The following FANCA variants were observed in gnomAD, a reference collection of about 807,000 sequenced individuals.
FANCA encodes Fanconi anemia group A protein.
Under a neutral mutation model 194.3 loss-of-function variants are expected in FANCA, and 236 were observed. The ratio of observed to expected loss-of-function variants is 1.21; its 90% CI spans 1.09 to 1.35. The LOEUF (loss-of-function observed/expected upper bound fraction) is 1.35. Among genes scored for constraint, FANCA ranks in the 40% most tolerant of loss-of-function variants. The pLI is 0.00. For missense variants in FANCA, 2,628 were observed against 1,813.9 expected (o/e 1.45, Z -8.15); for synonymous variants, 1,014 against 715.8 (o/e 1.42, Z -6.65).
At position 89,792,719 on chromosome 16, in the gene FANCA, G is replaced by C. The variant is rs148242615; in HGVS notation, c.1007-172C>G. On this transcript the variant is annotated intron_variant, in intron 11 of 42. Transcript: ENST00000389301. ...TAAAAGACAAGACAGCTGGGCCCGG[G>C]GGACCACTACCATCAATGCGCGGAG... 5.7e-4 allele frequency: 344 copies of C among 602,580 alleles called. 2 individuals are homozygous for C. The highest frequency in any genetic ancestry group is 5.1e-3 in the African/African-American group (276 of 54,538). 37.3% of individuals were successfully genotyped at this position (602,580 alleles called of 1,614,324 possible). A position where few individuals can be genotyped will look rare whatever the true frequency, so the allele number is the denominator to read the frequency against.
At chr16:89,800,009 A>G (rs2040390261) in intron 8 of FANCA, among the ~76,000 whole-genome samples, 1 of 152,208 alleles carries the variant, frequency 6.6e-6, no homozygotes, top group East Asian at 1.9e-4. Context: ...AAAGAAAAAG[A>G]AATGGACTTT....
In FANCA at chr16:89,791,506, A is replaced by G. The variant is rs2040075704; in HGVS notation, c.1256T>C (p.Phe419Ser). ...DWVARLMAQAFESCQLDSMVT... is the reference protein window; with the variant it reads ...DWVARLMAQASESCQLDSMVT... ...CATGCTGTCCAGCTGGCAGCTCTCG[A>G]ATGCCTGGGCCATCAAACGCGCCAC... Residue 419 changes from phenylalanine to serine, a missense_variant, in exon 14 of 43, where the codon TTC becomes TCC. Physicochemically the swap from Phe to Ser is radical, Grantham distance 155. Transcript: ENST00000389301. The G allele has an allele frequency of 1.9e-6, 3 of 1,614,152 alleles. No individual in the cohort carries two copies. Among genetic ancestry groups the G allele is most frequent in the Non-Finnish European group, 2.5e-6 (3 of 1,180,012 alleles).
intron 23 of FANCA, 127 bp downstream of exon 23, chr16:89,771,551 G>T: frequency 9.1e-7 from 1 of 1,098,916 alleles, no homozygotes; most frequent in Non-Finnish European, 1.4e-6. Context: ...CCTGGCCCTG[G>T]AACATCTGAT....
intron 33 of FANCA, among the ~76,000 whole-genome samples, 172 bp downstream of exon 33, chr16:89,748,487 G>A (rs1188503494): frequency 1.3e-5 from 2 of 152,208 alleles, no homozygotes; most frequent in Non-Finnish European, 2.9e-5. Context: ...CGCCGTCCTG[G>A]CTGTGGGTGG....
At chr16:89,805,445 G>A in intron 6 of FANCA, 53 bp from the exon 7 acceptor site, 1 of 1,456,160 alleles carries the variant, frequency 6.9e-7, no homozygotes, top group South Asian at 1.2e-5. Context: ...CCATCATCAG[G>A]GGATTGAGTT....
At chr16:89,742,625 C>A (rs1429755758) in intron 37 of FANCA, among the ~76,000 whole-genome samples, 175 bp downstream of exon 37, 1 of 122,202 alleles carries the variant, frequency 8.2e-6, no homozygotes, top group Non-Finnish European at 1.6e-5. Context: ...CTGGCTAACA[C>A]AGTGAAACCC....
At chr16:89,767,597 G>A (rs540816196) in intron 26 of FANCA, among the ~76,000 whole-genome samples, 53 of 152,094 alleles carry the variant, frequency 3.5e-4, no homozygotes, top group African/African-American at 1.0e-3. Context: ...TTGCCAAGCC[G>A]GAGTAGAGTG....
rs934300967 is a variant in FANCA at position 89,788,376 on chromosome 16, G to A, written c.1359+3027C>T. The stretch of plus-strand genomic sequence containing the variant: ...CTCAGGAGGCTGAAACAGGAGAATC[G>A]CTTGAACCCAGGAGGTGGGAGTTGC... On this transcript the variant is annotated intron_variant, in intron 14 of 42. Coordinates refer to ENST00000389301, the MANE Select transcript of FANCA (RefSeq NM_000135.4). 2.4e-4 allele frequency among the ~76,000 whole-genome samples: 37 copies of A among 152,100 alleles called. 1 individual carries two copies. Among genetic ancestry groups the A allele is most frequent in the Admixed American group, 2.3e-3 (35 of 15,252 alleles).
At chr16:89,758,846 T>A in intron 29 of FANCA, 141 bp from the exon 30 acceptor site, 1 of 1,255,120 alleles carries the variant, frequency 8.0e-7, no homozygotes, top group Non-Finnish European at 1.1e-6. Flanking sequence ...GACCTTGGAG[T>A]AGGGATGAGA....
In FANCA at chr16:89,799,336, C is replaced by G. The variant is rs1041285223; in HGVS notation, c.827-104G>C. On this transcript the variant is annotated intron_variant, in intron 9 of 42. Transcript: ENST00000389301. ...AGACAACAGATCCACTTCAACCCCC[C>G]AGAGGGCCCACATCCATCAAGACTT... 26 of 1,299,908 alleles carry G rather than the reference C, an allele frequency of 2.0e-5. No individual in the cohort carries two copies. The Middle Eastern group carries it at 1.5e-3, about 76-fold the overall frequency. The allele number at this position is 1,299,908 out of a possible 1,614,324, so 80.5% of individuals were successfully genotyped here.
At chr16:89,761,160 C>A (rs561421639) in intron 29 of FANCA, among the ~76,000 whole-genome samples, 1 of 152,328 alleles carries the variant, frequency 6.6e-6, no homozygotes, top group Admixed American at 6.5e-5. Context: ...TGGCTCACGC[C>A]TGTAATGCCA....
At chr16:89,784,695 A>G (rs920273880) in intron 15 of FANCA, among the ~76,000 whole-genome samples, 159 bp downstream of exon 15, 9 of 151,678 alleles carry the variant, frequency 5.9e-5, no homozygotes, top group Non-Finnish European at 1.2e-4. Context: ...GTGTTGTTTC[A>G]CCATAAACGG....
In FANCA at chr16:89,770,148, C is replaced by A. The variant is rs1476249498; in HGVS notation, c.2316+18G>T. 1.9e-6 allele frequency: 3 copies of A among 1,577,892 alleles called. No individual in the cohort carries two copies. Among genetic ancestry groups the A allele is most frequent in the Non-Finnish European group, 2.6e-6 (3 of 1,162,212 alleles). ...AGAGTGGGCCCCCAAGGGTGGCCCC[C>A]ATGAAGGAGAGCCTCACCTGGTGAC... On this transcript the variant is annotated intron_variant, in intron 25 of 42. Coordinates refer to ENST00000389301, the MANE Select transcript of FANCA (RefSeq NM_000135.4).
At position 89,738,348 on chromosome 16, in the gene FANCA, G is replaced by GCCCGC. The variant is rs1337067720; in HGVS notation, c.*248_*252dup. 22 of 1,479,750 alleles carry GCCCGC rather than the reference G, an allele frequency of 1.5e-5. No homozygotes were observed. Among genetic ancestry groups the GCCCGC allele is most frequent in the Non-Finnish European group, 1.7e-5 (19 of 1,111,608 alleles). The allele number at this position is 1,479,750 out of a possible 1,614,324, so 91.7% of individuals were successfully genotyped here. A position where few individuals can be genotyped will look rare whatever the true frequency, so the allele number is the denominator to read the frequency against. ...CCGCATGGGAGGGTCGGAGGGTGCT[G>GCCCGC]CCCGCCCTTGGTGCTGGAGGCGGGC... is the stretch of plus-strand genomic sequence containing the variant. On this transcript the variant is annotated 3_prime_UTR_variant, in exon 43 of 43. Transcript: ENST00000389301.
chr16:89,781,149 G>C (rs558743444), intron 17 of FANCA, among the ~76,000 whole-genome samples: 8 of 152,124 alleles, frequency 5.3e-5, no homozygotes, highest in Middle Eastern at 6.8e-3. Context: ...CGGATCACGA[G>C]GTCAGGAGAC....
intron 28 of FANCA, among the ~76,000 whole-genome samples, chr16:89,763,568 C>A (rs1032138048): frequency 6.6e-6 from 1 of 152,140 alleles, no homozygotes; most frequent in African/African-American, 2.4e-5. Context: ...GCAATGCCAG[C>A]TCCAGTAACC....
Position 89,810,995 on chromosome 16 carries a change from G to C in FANCA, c.360C>G (p.Ser120Arg), listed in dbSNP as rs968636087. The change falls in exon 4 of 43, where the codon AGC becomes AGG. Residue 120 changes from serine (S) to arginine (R), a missense_variant. Ser to Arg is a moderately radical substitution (Grantham distance 110, BLOSUM62 -1). Transcript: ENST00000389301. The part of the protein sequence containing the change: ...GILSAGMVAS[S>R]VGQICTAPAE... Reference sequence around the variant, plus strand: ...CTGGAGCCGTGCAGATCTGTCCCACGCTAGAGGCAACCATCCCGGCTGAGA... The same window carrying C: ...CTGGAGCCGTGCAGATCTGTCCCACCCTAGAGGCAACCATCCCGGCTGAGA... The C allele has an allele frequency of 6.2e-7, 1 of 1,614,008 alleles. No homozygotes were observed. The highest frequency in any genetic ancestry group is 8.5e-7 in the Non-Finnish European group (1 of 1,180,028).
At position 89,737,654 on chromosome 16, in the gene FANCA, G is replaced by A. The variant is rs1029599914; in HGVS notation, c.*947C>T. ...AAGCAGTTTAAAGATCTTAATAAACGAGGCCCTCATAGGCCCCTTGCTTGG... is the reference window on the plus strand; with the variant it reads ...AAGCAGTTTAAAGATCTTAATAAACAAGGCCCTCATAGGCCCCTTGCTTGG... On this transcript the variant is annotated 3_prime_UTR_variant, in exon 43 of 43. Transcript: ENST00000389301. 4.9e-6 allele frequency: 7 copies of A among 1,428,094 alleles called. No homozygotes were observed. Among genetic ancestry groups the A allele is most frequent in the African/African-American group, 2.9e-5 (2 of 69,730 alleles). The allele number at this position is 1,428,094 out of a possible 1,614,324, so 88.5% of individuals were successfully genotyped here.
chr16:89,775,650 G>T, intron 21 of FANCA, 92 bp downstream of exon 21: 2 of 1,054,632 alleles, frequency 1.9e-6, no homozygotes, highest in Middle Eastern at 2.0e-4. Flanking sequence ...CCACCCCCGA[G>T]CTCACTCGGG....
Sources: allele counts gnomAD v4.1 joint callset (sites outside exome capture counted in the v4.1 genomes callset), GRCh38; gene constraint gnomAD v4.1.1; transcripts MANE v1.5; gene names NCBI Gene and HGNC (gene_info 2026-07-23, HGNC 2026-07-21).